TTC23: variants seen among roughly 807,000 people sequenced by gnomAD.
TTC23 encodes tetratricopeptide repeat protein 23.
TTC23 carries 58 observed loss-of-function variants against 55.1 expected under a neutral mutation model. The observed-to-expected ratio is 1.05, with a 90% CI of 0.85 to 1.31. The LOEUF (loss-of-function observed/expected upper bound fraction) is 1.31. TTC23 is among the 50% of genes most tolerant of loss of function. TTC23 has a pLI of 0.00. For missense variants in TTC23, 516 were observed against 534.4 expected (o/e 0.97, Z 0.34); for synonymous variants, 203 against 199.9 (o/e 1.02, Z -0.13).
chr15:99,147,427 T>A (rs1322845441), intron 12 of TTC23, among the ~76,000 whole-genome samples: 10 of 151,504 alleles, frequency 6.6e-5, no homozygotes, highest in Non-Finnish European at 1.3e-4. Context: ...GAGTTTCACT[T>A]TGTTAGCCAG....
intron 12 of TTC23, among the ~76,000 whole-genome samples, chr15:99,154,236 A>G (rs2070234495): frequency 6.6e-6 from 1 of 152,254 alleles, no homozygotes; most frequent in African/African-American, 2.4e-5. Context: ...ATAAGCAAAT[A>G]TAACATTGAT....
In TTC23 at chr15:99,199,952, T is replaced by C. The variant is rs1161557565; in HGVS notation, c.726A>G (p.Gly242=). Reference sequence around the variant, plus strand: ...AGTGGTTGATGGATACATCGTGGAGTCCCAGGGCTTGCTCTACACCTGCTA... The same window carrying C: ...AGTGGTTGATGGATACATCGTGGAGCCCCAGGGCTTGCTCTACACCTGCTA... ...RELAGVEQAL[G]LHDVSINHFL... is the part of the protein sequence containing the mutation. Residue 242 remains glycine (G), a synonymous_variant, in exon 9 of 14, where the codon GGA becomes GGG. Transcript: ENST00000394132. 1.2e-6 allele frequency: 2 copies of C among 1,612,870 alleles called. No homozygotes were observed. Among genetic ancestry groups the C allele is most frequent in the Non-Finnish European group, 8.5e-7 (1 of 1,179,630 alleles).
At chr15:99,146,073 C>T (rs2068824043) in intron 12 of TTC23, among the ~76,000 whole-genome samples, 1 of 152,194 alleles carries the variant, frequency 6.6e-6, no homozygotes, top group Non-Finnish European at 1.5e-5. Flanking sequence ...TTGACTCCCC[C>T]ACGACTTTGT....
chr15:99,222,032 T>C (rs1308350483), intron 5 of TTC23, among the ~76,000 whole-genome samples, 168 bp from the exon 6 acceptor site: 1 of 152,102 alleles, frequency 6.6e-6, no homozygotes, highest in East Asian at 1.9e-4. Context: ...AAAGATCTAT[T>C]TGGGGTGGTA....
chr15:99,173,866 T>A (rs963752332), intron 10 of TTC23, among the ~76,000 whole-genome samples: 3 of 152,244 alleles, frequency 2.0e-5, no homozygotes, highest in African/African-American at 7.2e-5. Context: ...CATTGCTTGC[T>A]TGGTTCCTGT....
chr15:99,189,693 T>C lies in TTC23; in HGVS notation c.759+10226A>G, dbSNP rs759226795. Among the ~76,000 whole-genome samples, 5 of 152,320 alleles carry C rather than the reference T, an allele frequency of 3.3e-5. No homozygotes were observed. The East Asian group carries it at 9.6e-4, about 29-fold the overall frequency. On this transcript the variant is annotated intron_variant, in intron 9 of 13. Coordinates refer to ENST00000394132, the MANE Select transcript of TTC23 (RefSeq NM_001288615.3). ...AACAGTTTATAAAACAGCTGACTTA[T>C]ATTCTTCAAAAATTTCAATGTCATA...
Position 99,249,347 on chromosome 15 carries a change from G to T in TTC23, c.-607C>A, listed in dbSNP as rs2152111255. ...CTTGTAAAAAACCGGAAAAGTTTCT[G>T]TAACTCTCCAATCTCCAACTATGTC... On this transcript the variant is annotated 5_prime_UTR_variant, in exon 1 of 14. Coordinates refer to ENST00000394132, the MANE Select transcript of TTC23 (RefSeq NM_001288615.3). 6.6e-6 allele frequency: 1 copy of T among 152,268 alleles called. No individual in the cohort carries two copies. Among genetic ancestry groups the T allele is most frequent in the East Asian group, 1.9e-4 (1 of 5,188 alleles). 9.4% of individuals were successfully genotyped at this position (152,268 alleles called of 1,614,324 possible). A position where few individuals can be genotyped will look rare whatever the true frequency, so the allele number is the denominator to read the frequency against.
intron 10 of TTC23, among the ~76,000 whole-genome samples, chr15:99,164,666 T>C (rs979445109): frequency 3.3e-5 from 5 of 152,240 alleles, no homozygotes; most frequent in African/African-American, 7.2e-5. Context: ...TTGTACTTCC[T>C]CTCTGTTTTC....
rs2076563860 is a variant in TTC23, at chr15:99,205,605, G to A, written c.582-5509C>T. 2.0e-5 allele frequency among the ~76,000 whole-genome samples: 3 copies of A among 148,676 alleles called. No homozygotes were observed. The South Asian group carries it at 6.3e-4, about 31-fold the overall frequency. On this transcript the variant is annotated intron_variant, in intron 8 of 13. Transcript: ENST00000394132. Reference sequence around the variant, plus strand: ...TTACTTTCTTGTTTTTTTTTTTCCAGATTGCTAGCTGTTGGCATACAGAAA... The same window carrying A: ...TTACTTTCTTGTTTTTTTTTTTCCAAATTGCTAGCTGTTGGCATACAGAAA...
intron 9 of TTC23, among the ~76,000 whole-genome samples, chr15:99,180,249 T>C (rs2073985814): frequency 6.6e-6 from 1 of 152,086 alleles, no homozygotes; most frequent in African/African-American, 2.4e-5. Flanking sequence ...GGAGGAATGT[T>C]TAATATCTCC....
At chr15:99,224,084 T>G (rs1249125824) in intron 5 of TTC23, among the ~76,000 whole-genome samples, 1 of 152,198 alleles carries the variant, frequency 6.6e-6, no homozygotes, top group Admixed American at 6.5e-5. Flanking sequence ...AACATTTTTC[T>G]TGACAAAAAT....
chr15:99,197,154 A>C (rs529519545), intron 9 of TTC23, among the ~76,000 whole-genome samples: 32 of 151,658 alleles, frequency 2.1e-4, no homozygotes, highest in East Asian at 1.9e-3. Context: ...CCAGGCTGGA[A>C]TGCAGTGGCG....
At chr15:99,243,754 T>C (rs560845999) in intron 2 of TTC23, among the ~76,000 whole-genome samples, 3 of 152,298 alleles carry the variant, frequency 2.0e-5, no homozygotes, top group African/African-American at 7.2e-5. Flanking sequence ...CACTCATTTA[T>C]GAGAGCTAAA....
chr15:99,203,126 G>A (rs1315640191), intron 8 of TTC23, among the ~76,000 whole-genome samples: 1 of 152,046 alleles, frequency 6.6e-6, no homozygotes, highest in East Asian at 1.9e-4. Flanking sequence ...GGCAAAATCA[G>A]AGAAACTGAT....
At chr15:99,181,267 T>G (rs2074088877) in intron 9 of TTC23, among the ~76,000 whole-genome samples, 1 of 152,100 alleles carries the variant, frequency 6.6e-6, no homozygotes, top group African/African-American at 2.4e-5. Context: ...TATTTAAGGG[T>G]CAGAGAAAGA....
In TTC23 at chr15:99,221,847, A is replaced by G. The variant is rs76007555; in HGVS notation, c.198T>C (p.His66=). The G allele has an allele frequency of 0.063, 101,293 of 1,613,924 alleles. 3,424 individuals are homozygous for G. Among genetic ancestry groups the G allele is most frequent in the African/African-American group, 0.077 (5,778 of 75,036 alleles). Reference sequence around the variant, plus strand: ...TCAGTGCTACGCAACGCACAAGCTCATGGACGGCCTGTTTGTACTGTTAGG... The same window carrying G: ...TCAGTGCTACGCAACGCACAAGCTCGTGGACGGCCTGTTTGTACTGTTAGG... The part of the protein sequence containing the change: ...SNSHEYKQAV[H]ELVRCVALTR... Residue 66 remains histidine (H), a synonymous_variant, in exon 6 of 14, where the codon CAT becomes CAC. Transcript: ENST00000394132.
At position 99,199,890 on chromosome 15, in the gene TTC23, G is replaced by A. The variant is rs758333950; in HGVS notation, c.759+29C>T. The A allele has an allele frequency of 1.9e-6, 3 of 1,592,106 alleles. No homozygotes were observed. The Admixed American group carries it at 5.2e-5, about 28-fold the overall frequency. On this transcript the variant is annotated intron_variant, in intron 9 of 13. Transcript: ENST00000394132. ...TATGAAAAGCATTGGGCCTAGAACA[G>A]CTTTGGTAGCCAGGACCTTGTAGCT...
chr15:99,206,330 A>C (rs2076626270), intron 8 of TTC23, among the ~76,000 whole-genome samples: 1 of 152,092 alleles, frequency 6.6e-6, no homozygotes, highest in African/African-American at 2.4e-5. Context: ...TCATAGAATG[A>C]GTTTGGATAT....
chr15:99,201,729 G>C lies in TTC23; in HGVS notation c.582-1633C>G, dbSNP rs142718783. On this transcript the variant is annotated intron_variant, in intron 8 of 13. Transcript: ENST00000394132. ...GAAACTCTAATCTGGGAAGGAAAAAGATTAATAGGCGACCCAGTAATACCG... is the reference window on the plus strand; with the variant it reads ...GAAACTCTAATCTGGGAAGGAAAAACATTAATAGGCGACCCAGTAATACCG... 2.8e-3 allele frequency among the ~76,000 whole-genome samples: 432 copies of C among 152,318 alleles called. 3 individuals carry two copies. Among genetic ancestry groups the C allele is most frequent in the South Asian group, 5.0e-3 (24 of 4,830 alleles).
Sources: gnomAD v4.1 joint callset for allele counts (sites outside exome capture counted in the v4.1 genomes callset) on GRCh38, gnomAD v4.1.1 for gene constraint, MANE v1.5 for transcripts, NCBI Gene and HGNC (gene_info 2026-07-23, HGNC 2026-07-21) for gene names.